The following KCNJ6 variants were observed in gnomAD, a reference collection of about 807,000 sequenced individuals.
KCNJ6 encodes G protein-activated inward rectifier potassium channel 2.
In KCNJ6, 9 loss-of-function variants were observed where a neutral mutation model predicts 34.2. The ratio of observed to expected loss-of-function variants is 0.26; its 90% CI spans 0.16 to 0.46. The LOEUF is 0.46. KCNJ6 is among the 20% of genes least tolerant of loss of function. The pLI is 1.00. For missense variants in KCNJ6, 236 were observed against 531.3 expected (o/e 0.44, Z 5.46); for synonymous variants, 196 against 207.1 (o/e 0.95, Z 0.46).
rs964486053 is a variant in KCNJ6 at position 37,614,994 on chromosome 21, A to T, written c.*10165T>A. On this transcript the variant is annotated 3_prime_UTR_variant, in exon 4 of 4. Coordinates refer to ENST00000609713, the MANE Select transcript of KCNJ6 (RefSeq NM_002240.5). ...GAGGAACCATGTGATAACAGGCCAC[A>T]TGTTTTGTTGATGCCTGTTGTCACA... is the stretch of plus-strand genomic sequence containing the variant. The T allele has an allele frequency of 6.6e-6, 1 of 152,216 alleles. No homozygotes were observed. The highest frequency in any genetic ancestry group is 2.4e-5 in the African/African-American group (1 of 41,438). The allele number at this position is 152,216 out of a possible 1,614,324, so 9.4% of individuals were successfully genotyped here. A position where few individuals can be genotyped will look rare whatever the true frequency, so the allele number is the denominator to read the frequency against.
intron 1 of KCNJ6, among the ~76,000 whole-genome samples, chr21:37,882,962 T>C (rs753855468): frequency 5.3e-5 from 8 of 152,236 alleles, no homozygotes; most frequent in Non-Finnish European, 7.3e-5. Context: ...TCATGAGTGA[T>C]AGTGCATGTG....
chr21:37,802,635 C>T (rs2055274584), intron 2 of KCNJ6, among the ~76,000 whole-genome samples: 1 of 152,154 alleles, frequency 6.6e-6, no homozygotes, highest in South Asian at 2.1e-4. Context: ...TCCAGGCCAA[C>T]CCATGTTAGA....
chr21:37,729,340 G>C (rs550435939), intron 2 of KCNJ6, among the ~76,000 whole-genome samples: 25 of 151,956 alleles, frequency 1.6e-4, no homozygotes, highest in African/African-American at 3.6e-4. Context: ...TTTTTGGGGG[G>C]GGGGGCAGGG....
Position 37,704,142 on chromosome 21 carries a change from TG to T in KCNJ6, c.946+10068del, listed in dbSNP as rs2054706485. The stretch of plus-strand genomic sequence containing the variant: ...CATGCTGAACATGCTGAGGTCCCTT[TG>T]GGGGAACAAAAAGAAATTCTGCTGG... On this transcript the variant is annotated intron_variant, in intron 3 of 3. Transcript: ENST00000609713. 3.3e-5 allele frequency among the ~76,000 whole-genome samples: 5 copies of T among 152,296 alleles called. 1 individual carries two copies. In the South Asian group the frequency reaches 1.0e-3, roughly 32 times the overall value.
At chr21:37,838,608 T>C (rs957771332) in intron 2 of KCNJ6, among the ~76,000 whole-genome samples, 39 of 152,180 alleles carry the variant, frequency 2.6e-4, no homozygotes, top group African/African-American at 9.2e-4. Context: ...GTGCTGTGGA[T>C]TGTGAATTAG....
At position 37,675,516 on chromosome 21, in the gene KCNJ6, G is replaced by T. The variant is rs1198187741; in HGVS notation, c.946+38695C>A. Reference sequence around the variant, plus strand: ...GCGGGGACCCTCGGGCTGCGCCTCTGCCCCTCGGTCCCCAGCACCCCTGGG... The same window carrying T: ...GCGGGGACCCTCGGGCTGCGCCTCTTCCCCTCGGTCCCCAGCACCCCTGGG... On this transcript the variant is annotated intron_variant, in intron 3 of 3. Transcript: ENST00000609713. The surrounding 1 kb of genome is among the most constrained non-coding windows in gnomAD (Gnocchi z 4.2). 2.0e-5 allele frequency among the ~76,000 whole-genome samples: 3 copies of T among 152,228 alleles called. No homozygotes were observed. Among genetic ancestry groups the T allele is most frequent in the Admixed American group, 6.5e-5 (1 of 15,290 alleles).
intron 3 of KCNJ6, among the ~76,000 whole-genome samples, chr21:37,650,097 G>A (rs1007195352): frequency 1.3e-5 from 2 of 152,124 alleles, no homozygotes; most frequent in African/African-American, 4.8e-5. Context: ...TGTCCAGTGT[G>A]TCTGCATTCT....
rs913915002 is a variant in KCNJ6 at position 37,615,622 on chromosome 21, A to G, written c.*9537T>C. ...TGGAAAATGGCAAGTTCAAGAAGAA[A>G]TAGTATTCTGGAACTTTGCTCTGGG... On this transcript the variant is annotated 3_prime_UTR_variant, in exon 4 of 4. Coordinates refer to ENST00000609713, the MANE Select transcript of KCNJ6 (RefSeq NM_002240.5). 6.6e-6 allele frequency: 1 copy of G among 152,208 alleles called. No individual in the cohort carries two copies. 9.4% of individuals were successfully genotyped at this position (152,208 alleles called of 1,614,324 possible).
chr21:37,638,297 C>A (rs183346348), intron 3 of KCNJ6, among the ~76,000 whole-genome samples: 1 of 152,226 alleles, frequency 6.6e-6, no homozygotes, highest in Non-Finnish European at 1.5e-5. Flanking sequence ...GAGGCGTGTA[C>A]CACCATGCCC....
At chr21:37,707,668 CA>C (rs2054727105) in intron 3 of KCNJ6, among the ~76,000 whole-genome samples, 3 of 698 alleles carry the variant, frequency 4.3e-3, no homozygotes, top group Non-Finnish European at 0.012. Flanking sequence ...GGAGCAAGGG[CA>C]TGATTGACTG....
intron 3 of KCNJ6, among the ~76,000 whole-genome samples, chr21:37,688,143 T>A (rs932111319): frequency 1.3e-5 from 2 of 152,156 alleles, no homozygotes; most frequent in African/African-American, 4.8e-5. Context: ...ATTTTTCTCT[T>A]ATAAGGATAA....
chr21:37,767,732 T>C (rs1292889240), intron 2 of KCNJ6, among the ~76,000 whole-genome samples: 1 of 152,224 alleles, frequency 6.6e-6, no homozygotes, highest in Non-Finnish European at 1.5e-5. Flanking sequence ...TGAAGAAATA[T>C]TCTTTCAGTA....
At chr21:37,767,816 T>G (rs2055098735) in intron 2 of KCNJ6, among the ~76,000 whole-genome samples, 1 of 152,182 alleles carries the variant, frequency 6.6e-6, no homozygotes, top group African/African-American at 2.4e-5. Flanking sequence ...TTTTGAGAAA[T>G]CGTGAGAGGG....
chr21:37,648,860 G>A (rs7282306), intron 3 of KCNJ6, among the ~76,000 whole-genome samples: 14,825 of 151,962 alleles, frequency 0.098, 920 homozygotes, highest in South Asian at 0.23. Flanking sequence ...GGCCAGGCGC[G>A]GTGGCTCATG....
At chr21:37,777,635 C>T (rs1009851912) in intron 2 of KCNJ6, among the ~76,000 whole-genome samples, 3 of 152,104 alleles carry the variant, frequency 2.0e-5, no homozygotes, top group African/African-American at 7.2e-5. Flanking sequence ...AGAGAACTGA[C>T]ATCTTTTTTG....
intron 2 of KCNJ6, among the ~76,000 whole-genome samples, chr21:37,733,763 G>A (rs1476299744): frequency 2.6e-5 from 4 of 152,184 alleles, no homozygotes; most frequent in Admixed American, 6.5e-5. Flanking sequence ...CGGTTGATGG[G>A]AGCGCAATGT....
intron 3 of KCNJ6, among the ~76,000 whole-genome samples, chr21:37,627,953 G>A (rs891423309): frequency 6.6e-6 from 1 of 152,196 alleles, no homozygotes; most frequent in Non-Finnish European, 1.5e-5. Flanking sequence ...TAACTGAGCA[G>A]AGACTTTAGT....
rs115611780 is a variant in KCNJ6 at position 37,786,594 on chromosome 21, A to G, written c.25+54064T>C. Among the ~76,000 whole-genome samples the G allele has an allele frequency of 8.6e-3, 1,303 of 152,304 alleles. 20 individuals are homozygous for G. The highest frequency in any genetic ancestry group is 0.03 in the African/African-American group (1,253 of 41,566). ...ACCCCGATTGGTGGCCTCAAAGACT[A>G]TATGCAACAAATGGTTCCACTTTTC... On this transcript the variant is annotated intron_variant, in intron 2 of 3. Coordinates refer to ENST00000609713, the MANE Select transcript of KCNJ6 (RefSeq NM_002240.5).
intron 1 of KCNJ6, among the ~76,000 whole-genome samples, chr21:37,880,642 T>A (rs1267531363): frequency 1.3e-5 from 2 of 152,206 alleles, no homozygotes; most frequent in Non-Finnish European, 2.9e-5. Flanking sequence ...TGTTATTGCA[T>A]TTTCTGTTAC....
Sources: gnomAD v4.1 joint callset for allele counts (sites outside exome capture counted in the v4.1 genomes callset) on GRCh38, gnomAD v4.1.1 for gene constraint, Gnocchi (gnomAD v3.1) non-coding constraint, MANE v1.5 for transcripts, NCBI Gene and HGNC (gene_info 2026-07-23, HGNC 2026-07-21) for gene names.